Variants in CAST observed in about 807,000 individuals in gnomAD.
The protein encoded by CAST is calpastatin.
Under a neutral mutation model 119.6 loss-of-function variants are expected in CAST, and 76 were observed. The ratio of observed to expected loss-of-function variants is 0.64; its 90% CI spans 0.53 to 0.77. The LOEUF (loss-of-function observed/expected upper bound fraction) is 0.77, where lower values mean the gene tolerates loss of function less well. CAST is among the 30% of genes least tolerant of loss of function. The pLI is 0.00. For synonymous variants in CAST, 319 were observed against 331.6 expected (o/e 0.96, Z 0.41); for missense variants, 953 against 946.5 (o/e 1.01, Z -0.09).
At chr5:96,348,288 G>A in the CAST span, among the ~76,000 whole-genome samples, 1 of 151,966 alleles carries the variant, frequency 6.6e-6, no homozygotes, top group Non-Finnish European at 1.5e-5. Context: ...AGGACTATAG[G>A]ATTAAGGGAA....
intron 3 of CAST, chr5:96,702,888 G>A: frequency 1.0e-6 from 1 of 985,532 alleles, no homozygotes; most frequent in Non-Finnish European, 1.2e-6. Context: ...ACCAAGCCGA[G>A]GACTGCGGGG....
In CAST at chr5:96,716,566, T is replaced by C. The variant is rs191543512; in HGVS notation, c.211-6073T>C. ...TGGCAACTCAAACAGGCCTGGCCCC[T>C]GCCTTCATGGAGTTCACATTTGGCT... On this transcript the variant is annotated intron_variant, in intron 3 of 31. Transcript: ENST00000675179. Among the ~76,000 whole-genome samples, 401 of 152,338 alleles carry C rather than the reference T, an allele frequency of 2.6e-3. 1 individual carries two copies. The highest frequency in any genetic ancestry group is 9.1e-3 in the African/African-American group (377 of 41,584).
intron 3 of CAST, among the ~76,000 whole-genome samples, chr5:96,710,859 C>T (rs560605275): frequency 7.3e-5 from 11 of 150,288 alleles, no homozygotes; most frequent in African/African-American, 2.5e-4. Flanking sequence ...CTAATGGGTC[C>T]ACATCACTTA....
At chr5:96,560,618 C>T (rs895004964) in intron 1 of CAST, among the ~76,000 whole-genome samples, 2 of 152,170 alleles carry the variant, frequency 1.3e-5, no homozygotes, top group Non-Finnish European at 2.9e-5. Flanking sequence ...TCATTACTGG[C>T]AATCAGAGAA....
At chr5:96,110,309 T>C in the CAST span, among the ~76,000 whole-genome samples, 10 of 152,214 alleles carry the variant, frequency 6.6e-5, no homozygotes, top group Non-Finnish European at 1.0e-4. Context: ...TGGCTTTTTG[T>C]TCAAGTTATC....
chr5:96,226,280 C>A, the CAST span, among the ~76,000 whole-genome samples: 1 of 152,132 alleles, frequency 6.6e-6, no homozygotes, highest in Non-Finnish European at 1.5e-5. Flanking sequence ...CAGGACCTTA[C>A]AACCGTTGTA....
At chr5:96,607,151 G>A (rs1295896279) in intron 1 of CAST, among the ~76,000 whole-genome samples, 2 of 152,144 alleles carry the variant, frequency 1.3e-5, no homozygotes, top group Non-Finnish European at 2.9e-5. Flanking sequence ...AGCCGGGCGT[G>A]GTGGTGGGCG....
chr5:96,348,110 C>A, the CAST span, among the ~76,000 whole-genome samples: 1 of 152,092 alleles, frequency 6.6e-6, no homozygotes, highest in African/African-American at 2.4e-5. Flanking sequence ...CAAATGCATT[C>A]ATCGGATGTA....
At chr5:96,702,357 T>C (rs1376198170) in intron 3 of CAST, among the ~76,000 whole-genome samples, 1 of 152,186 alleles carries the variant, frequency 6.6e-6, no homozygotes, top group East Asian at 1.9e-4. Flanking sequence ...AATTTTGAAG[T>C]TTGTAATATA....
intron 17 of CAST, 54 bp from the exon 18 acceptor site, chr5:96,747,291 C>A: frequency 8.8e-7 from 1 of 1,134,560 alleles, no homozygotes. Flanking sequence ...CTTGATGGGA[C>A]ATGAAAGCAA....
the CAST span, among the ~76,000 whole-genome samples, chr5:96,295,683 A>G: frequency 6.6e-6 from 1 of 152,146 alleles, no homozygotes; most frequent in East Asian, 1.9e-4. Context: ...TTTATTTGAA[A>G]TTTTTCCTAC....
chr5:96,607,075 T>G lies in CAST; in HGVS notation c.61-68464T>G, dbSNP rs150965783. ...AGGCCGAGGCGGGCGGATCACGAGGTCAGGAGATCAAGACCATCCTGGCTA... is the reference window on the plus strand; with the variant it reads ...AGGCCGAGGCGGGCGGATCACGAGGGCAGGAGATCAAGACCATCCTGGCTA... On this transcript the variant is annotated intron_variant, in intron 1 of 11. Coordinates refer to the CAST transcript ENST00000505143. 9.6e-3 allele frequency among the ~76,000 whole-genome samples: 1,454 copies of G among 152,144 alleles called. 26 individuals carry two copies. Among genetic ancestry groups the G allele is most frequent in the African/African-American group, 0.033 (1,371 of 41,494 alleles).
chr5:96,140,749 G>T, the CAST span, among the ~76,000 whole-genome samples: 1 of 152,208 alleles, frequency 6.6e-6, no homozygotes. Context: ...GTTCAGCAGT[G>T]ATAGCTGCTG....
chr5:96,618,499 G>C (rs1418508275), intron 1 of CAST, among the ~76,000 whole-genome samples: 3 of 152,262 alleles, frequency 2.0e-5, no homozygotes. Flanking sequence ...TCAGCTTGCA[G>C]GGAGGTGTGG....
At chr5:96,080,732 G>A in the CAST span, among the ~76,000 whole-genome samples, 1 of 152,172 alleles carries the variant, frequency 6.6e-6, no homozygotes, top group Non-Finnish European at 1.5e-5. Flanking sequence ...CTTTGCACAT[G>A]TTGTTCCCTG....
chr5:96,330,271 C>T, the CAST span, among the ~76,000 whole-genome samples: 4 of 152,168 alleles, frequency 2.6e-5, no homozygotes, highest in Non-Finnish European at 5.9e-5. Flanking sequence ...CATATTTTCT[C>T]CCTTGTTTGG....
At chr5:96,001,560 A>G in the CAST span, among the ~76,000 whole-genome samples, 1 of 152,214 alleles carries the variant, frequency 6.6e-6, no homozygotes, top group Non-Finnish European at 1.5e-5. Flanking sequence ...AAAGGCACAT[A>G]ACACTTGGGA....
chr5:96,461,781 T>C, the CAST span, among the ~76,000 whole-genome samples: 2 of 152,150 alleles, frequency 1.3e-5, no homozygotes, highest in South Asian at 4.1e-4. Context: ...TTTTAATACT[T>C]ATCATAGGCA....
At chr5:96,597,195 T>C (rs1384252817) in intron 1 of CAST, among the ~76,000 whole-genome samples, 1 of 152,164 alleles carries the variant, frequency 6.6e-6, no homozygotes, top group Non-Finnish European at 1.5e-5. Flanking sequence ...GAAAGCAAAA[T>C]GAAAAATACT....
Sources: allele counts gnomAD v4.1 joint callset (sites outside exome capture counted in the v4.1 genomes callset), GRCh38; gene constraint gnomAD v4.1.1; transcripts MANE v1.5; gene names NCBI Gene and HGNC (gene_info 2026-07-23, HGNC 2026-07-21).